Variants in GOT2 observed in about 807,000 individuals in gnomAD.
GOT2 encodes the protein aspartate aminotransferase, mitochondrial.
In GOT2, 17 loss-of-function variants were observed where a neutral mutation model predicts 50.0. The observed-to-expected ratio is 0.34, with a 90% CI of 0.23 to 0.51. GOT2 has a LOEUF of 0.51. Among genes scored for constraint, GOT2 ranks in the 20% least tolerant of loss-of-function variants. The pLI is 0.97. For missense variants in GOT2, 430 were observed against 559.6 expected, an observed-to-expected ratio of 0.77 and a Z score of 2.34; for synonymous variants, 172 against 204.9, an observed-to-expected ratio of 0.84 and a Z score of 1.37.
At chr16:58,711,060 A>G (rs1486618434) in intron 8 of GOT2, among the ~76,000 whole-genome samples, 4 of 151,922 alleles carry the variant, frequency 2.6e-5, no homozygotes, top group Non-Finnish European at 5.9e-5. Context: ...AAAAAAAAAA[A>G]TGACCTTATT....
intron 8 of GOT2, among the ~76,000 whole-genome samples, chr16:58,711,589 G>T (rs1051284049): frequency 6.6e-6 from 1 of 152,216 alleles, no homozygotes; most frequent in African/African-American, 2.4e-5. Context: ...ACTTCACCCA[G>T]TGAAACGTTT....
chr16:58,710,199 ATTTTCT>A (rs562824104), intron 8 of GOT2, among the ~76,000 whole-genome samples: 118 of 151,588 alleles, frequency 7.8e-4, no homozygotes, highest in Middle Eastern at 3.4e-3. Context: ...CGCCTGGCCC[ATTTTCT>A]TTTTCTTTTT....
intron 8 of GOT2, among the ~76,000 whole-genome samples, chr16:58,711,617 G>A (rs1192081518): frequency 1.3e-5 from 2 of 152,200 alleles, no homozygotes; most frequent in Admixed American, 1.3e-4. Flanking sequence ...GGGCACTTGT[G>A]CCTAAAAGCT....
intron 1 of GOT2, among the ~76,000 whole-genome samples, chr16:58,731,664 A>C (rs1308543907): frequency 6.6e-6 from 1 of 152,234 alleles, no homozygotes; most frequent in Non-Finnish European, 1.5e-5. Flanking sequence ...ACAAGTCAAC[A>C]AGAGAAAGTT....
rs2044616811 is a variant in GOT2 at position 58,707,972 on chromosome 16, G to C, written c.*199C>G. 2 of 410,024 alleles carry C rather than the reference G, an allele frequency of 4.9e-6. No homozygotes were observed. Among genetic ancestry groups the C allele is most frequent in the African/African-American group, 4.1e-5 (2 of 48,662 alleles). 25.4% of individuals were successfully genotyped at this position (410,024 alleles called of 1,614,324 possible). On this transcript the variant is annotated 3_prime_UTR_variant, in exon 10 of 10. Transcript: ENST00000245206. ...GGGGAGAGTTTGGTTTAATATTCCAGACGCCAGCCATGGATGCCTCTGCCC... is the reference window on the plus strand; with the variant it reads ...GGGGAGAGTTTGGTTTAATATTCCACACGCCAGCCATGGATGCCTCTGCCC...
intron 1 of GOT2, among the ~76,000 whole-genome samples, chr16:58,724,756 G>A (rs2044769484): frequency 6.6e-6 from 1 of 152,168 alleles, no homozygotes; most frequent in African/African-American, 2.4e-5. Flanking sequence ...GGCCAGGCTG[G>A]TCTCAAACTC....
chr16:58,730,888 A>G (rs766590012), intron 1 of GOT2, among the ~76,000 whole-genome samples: 6 of 152,230 alleles, frequency 3.9e-5, no homozygotes, highest in Non-Finnish European at 7.3e-5. Flanking sequence ...TACATTTTGG[A>G]TACAGGCACA....
chr16:58,713,586 A>G (rs1319959657), intron 8 of GOT2, among the ~76,000 whole-genome samples: 1 of 152,220 alleles, frequency 6.6e-6, no homozygotes. Flanking sequence ...GAGACAGAAA[A>G]AATAGTTGTC....
Position 58,719,245 on chromosome 16 carries a change from A to C in GOT2, c.386T>G (p.Val129Gly). The C allele has an allele frequency of 6.2e-7, 1 of 1,612,876 alleles. No homozygotes were observed. Among genetic ancestry groups the C allele is most frequent in the East Asian group, 2.2e-5 (1 of 44,852 alleles). The change falls in exon 4 of 10, where the codon GTG becomes GGG. Residue 129 changes from valine to glycine, a missense_variant. Physicochemically the swap from Val to Gly is moderately radical, Grantham distance 109. Coordinates refer to ENST00000245206, the MANE Select transcript of GOT2 (RefSeq NM_002080.4). ...EVLKSGRFVT[V>G]QTISGTGALR... ...GGCTCCAGTTCCAGAAATGGTCTGC[A>C]CAGTGACAAACTGAAGGAGAGATAC...
chr16:58,733,771 C>A (rs976531519), intron 1 of GOT2: 3 of 197,618 alleles, frequency 1.5e-5, no homozygotes, highest in Non-Finnish European at 3.1e-5. Flanking sequence ...CCCAGGGCAC[C>A]CTATCAAGGG....
chr16:58,725,003 G>A (rs1305941047), intron 1 of GOT2, among the ~76,000 whole-genome samples: 1 of 152,182 alleles, frequency 6.6e-6, no homozygotes, highest in African/African-American at 2.4e-5. Context: ...CTTGTAGGAT[G>A]CCCCTCTACT....
chr16:58,722,440 G>A (rs528652637), intron 2 of GOT2, among the ~76,000 whole-genome samples, 162 bp from the exon 3 acceptor site: 4 of 150,768 alleles, frequency 2.7e-5, no homozygotes, highest in African/African-American at 7.3e-5. Context: ...GTGTGATCTC[G>A]GCTCACTGCA....
At chr16:58,712,600 G>A (rs1597697841) in intron 8 of GOT2, among the ~76,000 whole-genome samples, 1 of 152,094 alleles carries the variant, frequency 6.6e-6, no homozygotes, top group African/African-American at 2.4e-5. Context: ...ACCACCCTGA[G>A]GGTAGTCATT....
intron 2 of GOT2, 134 bp downstream of exon 2, chr16:58,723,612 G>A (rs955390447): frequency 2.7e-4 from 193 of 727,236 alleles, no homozygotes; most frequent in Non-Finnish European, 3.5e-4. Flanking sequence ...CAGAAAACCC[G>A]GGTGATTCAT....
chr16:58,726,510 T>TATTC, intron 1 of GOT2, among the ~76,000 whole-genome samples: 1 of 151,144 alleles, frequency 6.6e-6, no homozygotes, highest in African/African-American at 2.4e-5. Context: ...TTTATTTATT[T>TATTC]TTGAGACGGA....
intron 8 of GOT2, among the ~76,000 whole-genome samples, chr16:58,714,239 C>T (rs1378596011): frequency 1.3e-5 from 2 of 151,774 alleles, no homozygotes; most frequent in African/African-American, 2.4e-5. Context: ...TAGTAAGATG[C>T]AGTTGGCATT....
At chr16:58,712,142 T>TA (rs1342771739) in intron 8 of GOT2, among the ~76,000 whole-genome samples, 2 of 152,124 alleles carry the variant, frequency 1.3e-5, no homozygotes, top group East Asian at 3.8e-4. Flanking sequence ...CAGTCCTCAT[T>TA]ACATCTTCTC....
Position 58,707,506 on chromosome 16 carries a change from G to C in GOT2, c.*665C>G, listed in dbSNP as rs996402340. On this transcript the variant is annotated 3_prime_UTR_variant, in exon 10 of 10. Transcript: ENST00000245206. The stretch of plus-strand genomic sequence containing the variant: ...TGTTCTTCATTCTTAAATAAATCTC[G>C]ATAGGATGGAGTTGATGGTCAATCA... The C allele has an allele frequency of 1.3e-5, 2 of 152,144 alleles. No individual in the cohort carries two copies. The highest frequency in any genetic ancestry group is 1.3e-4 in the Admixed American group (2 of 15,264). 9.4% of individuals were successfully genotyped at this position (152,144 alleles called of 1,614,324 possible).
chr16:58,721,917 A>AG, intron 3 of GOT2: 1 of 346,340 alleles, frequency 2.9e-6, no homozygotes, highest in Non-Finnish European at 5.4e-6. Flanking sequence ...AGTAGCTGGG[A>AG]TTACAGGCAT....
Sources: gnomAD v4.1 joint callset for allele counts (sites outside exome capture counted in the v4.1 genomes callset) on GRCh38, gnomAD v4.1.1 for gene constraint, MANE v1.5 for transcripts, NCBI Gene and HGNC (gene_info 2026-07-23, HGNC 2026-07-21) for gene names.